The following MYH13 variants were observed in gnomAD, a reference collection of about 807,000 sequenced individuals.
MYH13 encodes myosin heavy chain 13.
MYH13 carries 177 observed loss-of-function variants against 232.1 expected under a neutral mutation model. The observed-to-expected ratio is 0.76, with a 90% CI of 0.67 to 0.86. The LOEUF is 0.86. MYH13 is among the 40% of genes least tolerant of loss of function. MYH13 has a pLI of 0.00. For synonymous variants in MYH13, 884 were observed against 923.5 expected, an observed-to-expected ratio of 0.96 and a Z score of 0.78; for missense variants, 2,246 against 2,405.9, an observed-to-expected ratio of 0.93 and a Z score of 1.39.
chr17:10,324,449 C>T (rs1907124386), intron 22 of MYH13, among the ~76,000 whole-genome samples, 185 bp from the exon 23 acceptor site: 1 of 152,088 alleles, frequency 6.6e-6, no homozygotes, highest in African/African-American at 2.4e-5. Flanking sequence ...CACCCATAAA[C>T]ACATTTTTTC....
At chr17:10,344,428 T>A (rs2071644737) in intron 15 of MYH13, among the ~76,000 whole-genome samples, 1 of 152,222 alleles carries the variant, frequency 6.6e-6, no homozygotes, top group Non-Finnish European at 1.5e-5. Context: ...AGTAATATTT[T>A]GAACAATAAT....
chr17:10,361,483 A>AG (rs1357528979), intron 5 of MYH13, among the ~76,000 whole-genome samples: 1 of 151,948 alleles, frequency 6.6e-6, no homozygotes, highest in Non-Finnish European at 1.5e-5. Flanking sequence ...TACTAGAGAG[A>AG]GGGTTTCATC....
chr17:10,327,094 C>T (rs1013470622), intron 22 of MYH13, among the ~76,000 whole-genome samples: 1 of 37,068 alleles, frequency 2.7e-5, no homozygotes, highest in South Asian at 7.8e-4. Context: ...CTCCGCCTCC[C>T]AGGTTCACGC....
chr17:10,355,153 C>G lies in MYH13; in HGVS notation c.739-6G>C. 1 of 1,568,228 alleles carries G rather than the reference C, an allele frequency of 6.4e-7. No homozygotes were observed. Among genetic ancestry groups the G allele is most frequent in the Non-Finnish European group, 8.7e-7 (1 of 1,155,108 alleles). ...TGAATCCGAATGAACTTCCCCTGTC[C>G]AATAACAGGTGGACAAATGTTACGG... On this transcript the variant is annotated splice_region_variant and splice_polypyrimidine_tract_variant and intron_variant, in intron 8 of 40. Transcript: ENST00000252172.
intron 39 of MYH13, 64 bp from the exon 40 acceptor site, chr17:10,301,767 G>A (rs745863876): frequency 3.4e-5 from 54 of 1,579,358 alleles, no homozygotes; most frequent in Non-Finnish European, 4.5e-5. Context: ...GAGGTGCCCT[G>A]TCTCTGAAGG....
rs2071760613 is a variant in MYH13, at chr17:10,357,828, C to T, written c.646-1G>A. 3.1e-6 allele frequency: 5 copies of T among 1,612,060 alleles called. No individual in the cohort carries two copies. Among genetic ancestry groups the T allele is most frequent in the Non-Finnish European group, 4.2e-6 (5 of 1,178,810 alleles). On this transcript the variant is annotated splice_acceptor_variant, in intron 7 of 40. Transcript: ENST00000252172. LOFTEE classifies it high-confidence loss of function. ...GGATGATCTGATCCTCTAGGGTTCCCTAATAATAAACAAGAAGAGGAAAAA... is the reference window on the plus strand; with the variant it reads ...GGATGATCTGATCCTCTAGGGTTCCTTAATAATAAACAAGAAGAGGAAAAA...
chr17:10,329,247 A>C (rs915941553), intron 21 of MYH13, among the ~76,000 whole-genome samples: 11 of 152,096 alleles, frequency 7.2e-5, no homozygotes, highest in African/African-American at 2.4e-4. Flanking sequence ...ACCAGGGAGA[A>C]CAGGCTCCCT....
At chr17:10,364,755 GT>G (rs35658023) in intron 2 of MYH13, among the ~76,000 whole-genome samples, 40 of 147,210 alleles carry the variant, frequency 2.7e-4, no homozygotes, top group Non-Finnish European at 3.3e-4. Context: ...AAGTATGAAG[GT>G]TTTTTTTTTT....
intron 16 of MYH13, among the ~76,000 whole-genome samples, chr17:10,343,405 C>G (rs992961980): frequency 2.0e-5 from 3 of 152,224 alleles, no homozygotes; most frequent in Non-Finnish European, 4.4e-5. Flanking sequence ...ACCATGTTGG[C>G]CAGGCTGGTC....
chr17:10,360,981 G>A (rs2071787724), intron 5 of MYH13, among the ~76,000 whole-genome samples: 1 of 152,184 alleles, frequency 6.6e-6, no homozygotes, highest in Admixed American at 6.5e-5. Flanking sequence ...TTCTCTCTCA[G>A]CGTCCTCAGA....
At chr17:10,320,305 G>A (rs545317943) in intron 25 of MYH13, 46 bp downstream of exon 25, 5 of 1,607,932 alleles carry the variant, frequency 3.1e-6, no homozygotes, top group Admixed American at 3.4e-5. Context: ...GGGGGTGAAA[G>A]TTGGCTTTTA....
chr17:10,309,896 T>C, intron 33 of MYH13, 66 bp from the exon 34 acceptor site: 2 of 1,367,550 alleles, frequency 1.5e-6, no homozygotes, highest in Admixed American at 2.8e-5. Context: ...GGTATTTTCA[T>C]CCCCATACGA....
intron 2 of MYH13, among the ~76,000 whole-genome samples, chr17:10,365,100 C>G (rs1317587344): frequency 6.6e-6 from 1 of 152,084 alleles, no homozygotes. Context: ...GTCTTGAACT[C>G]CTGACCTCAG....
At chr17:10,367,786 AT>A (rs1219573843) in intron 2 of MYH13, among the ~76,000 whole-genome samples, 4 of 152,204 alleles carry the variant, frequency 2.6e-5, no homozygotes, top group Non-Finnish European at 5.9e-5. Flanking sequence ...CTGCTTCTGT[AT>A]TCATGCCATT....
intron 22 of MYH13, among the ~76,000 whole-genome samples, chr17:10,325,991 A>G (rs1194950081): frequency 6.6e-6 from 1 of 152,194 alleles, no homozygotes; most frequent in Non-Finnish European, 1.5e-5. Context: ...AGAGTATTTT[A>G]AGACACACAC....
At chr17:10,311,021 A>G (rs2142221875) in intron 33 of MYH13, 82 bp downstream of exon 33, 1 of 1,548,140 alleles carries the variant, frequency 6.5e-7, no homozygotes, top group Non-Finnish European at 8.8e-7. Context: ...CTGGCAGGAA[A>G]GGCCCCATGG....
Position 10,306,937 on chromosome 17 carries a change from A to C in MYH13, c.5295+2T>G, listed in dbSNP as rs112383245. 165 of 1,613,262 alleles carry C rather than the reference A, an allele frequency of 1.0e-4. 2 individuals carry two copies. The South Asian group carries it at 1.8e-3, about 17-fold the overall frequency. The stretch of plus-strand genomic sequence containing the variant: ...TCTCTGAAAAGGAAGAACAGAGCTC[A>C]CATCCGTGATGGCCTTCTTGGCCTT... On this transcript the variant is annotated splice_donor_variant, in intron 36 of 40. Coordinates refer to ENST00000252172, the MANE Select transcript of MYH13 (RefSeq NM_003802.3). LOFTEE classifies it high-confidence loss of function. This position sits in a 1 kb window ranked among gnomAD's most constrained non-coding sequence, Gnocchi z 4.3.
chr17:10,362,516 A>C lies in MYH13; in HGVS notation c.205-13T>G. On this transcript the variant is annotated splice_polypyrimidine_tract_variant and intron_variant, in intron 3 of 40. Transcript: ENST00000252172. ...TCAGAGTGAGCATCTGGGTATTGAGAGGAAAAGCAGGTAATAAATTGGTGA... is the reference window on the plus strand; with the variant it reads ...TCAGAGTGAGCATCTGGGTATTGAGCGGAAAAGCAGGTAATAAATTGGTGA... 6.2e-7 allele frequency: 1 copy of C among 1,614,008 alleles called. No homozygotes were observed.
chr17:10,371,376 G>A (rs1391493348), intron 1 of MYH13, 117 bp from the exon 2 acceptor site: 4 of 152,202 alleles, frequency 2.6e-5, no homozygotes, highest in Non-Finnish European at 5.9e-5. Flanking sequence ...TAGATACACA[G>A]TAGATGGTGT....
Sources: allele counts gnomAD v4.1 joint callset (sites outside exome capture counted in the v4.1 genomes callset), GRCh38; gene constraint gnomAD v4.1.1; non-coding constraint Gnocchi (gnomAD v3.1); transcripts MANE v1.5; gene names NCBI Gene and HGNC (gene_info 2026-07-23, HGNC 2026-07-21).